The following TBX3 variants were observed in gnomAD, a reference collection of about 807,000 sequenced individuals.
TBX3 encodes the protein T-box transcription factor TBX3.
TBX3 carries 11 observed loss-of-function variants against 47.8 expected under a neutral mutation model. That is an observed-to-expected ratio of 0.23 (90% CI 0.14 to 0.38). The LOEUF (loss-of-function observed/expected upper bound fraction) is 0.38. Ranked by LOEUF, TBX3 falls within the 10% of genes least tolerant of loss-of-function variation. The pLI, the probability that TBX3 is intolerant of heterozygous loss-of-function variation, is 1.00. For synonymous variants in TBX3, 500 were observed against 449.3 expected, an observed-to-expected ratio of 1.11 and a Z score of -1.43; for missense variants, 927 against 1,022.8, an observed-to-expected ratio of 0.91 and a Z score of 1.28.
intron 4 of TBX3, 82 bp downstream of exon 4, chr12:114,677,498 A>C: frequency 3.6e-5 from 42 of 1,158,204 alleles, no homozygotes; most frequent in Non-Finnish European, 4.7e-5. Context: ...AAGTGCCTGC[A>C]TCTCACTTCT....
At chr12:114,672,554 C>A (rs1868498437) in intron 6 of TBX3, among the ~76,000 whole-genome samples, 1 of 151,908 alleles carries the variant, frequency 6.6e-6, no homozygotes, top group Non-Finnish European at 1.5e-5. Context: ...TAACTTGTGC[C>A]TCAGCTTCCT....
At position 114,672,231 on chromosome 12, in the gene TBX3, G is replaced by T. The variant is rs958925981; in HGVS notation, c.1782C>A (p.Ala594=). Residue 594 remains alanine (A), a synonymous_variant, in exon 7 of 7, where the codon GCC becomes GCA. Transcript: ENST00000349155. ...CCGAGCTGGAGGCTGCCGCAGAGGA[G>T]GCGGCCGCCGCTGCGGCCATGTACG... The part of the protein sequence containing the change: ...PYTYMAAAAA[A]SSAAASSSVH... The T allele has an allele frequency of 3.8e-6, 6 of 1,573,988 alleles. No homozygotes were observed. In the African/African-American group the frequency reaches 8.1e-5, roughly 21 times the overall value.
chr12:114,681,376 A>G (rs1328246681), intron 1 of TBX3, among the ~76,000 whole-genome samples: 1 of 152,250 alleles, frequency 6.6e-6, no homozygotes, highest in Non-Finnish European at 1.5e-5. Context: ...GGTTCAAAAC[A>G]AATGCATTGT....
At position 114,672,432 on chromosome 12, in the gene TBX3, TTG is replaced by T. The variant is rs1484015991; in HGVS notation, c.1711-132_1711-131del. On this transcript the variant is annotated intron_variant, in intron 6 of 6. Transcript: ENST00000349155. ...CTGGTATGTTCTGTTGTTGTTGTTG[TTG>T]TGTTTTTTTTTTTGGGGGGGGAGAT... The T allele has an allele frequency of 2.2e-3, 1,113 of 508,592 alleles. 3 individuals are homozygous for T. Among genetic ancestry groups the T allele is most frequent in the Middle Eastern group, 7.0e-3 (12 of 1,720 alleles). 31.5% of individuals were successfully genotyped at this position (508,592 alleles called of 1,614,324 possible). A position where few individuals can be genotyped will look rare whatever the true frequency, so the allele number is the denominator to read the frequency against.
chr12:114,672,222 C>G lies in TBX3; in HGVS notation c.1791G>C (p.Ala597=), dbSNP rs1283299550. The change falls in exon 7 of 7, where the codon GCG becomes GCC. Residue 597 remains alanine (A), a synonymous_variant. Transcript: ENST00000349155. Reference sequence around the variant, plus strand: ...GGCGGTGCACCGAGCTGGAGGCTGCCGCAGAGGAGGCGGCCGCCGCTGCGG... The same window carrying G: ...GGCGGTGCACCGAGCTGGAGGCTGCGGCAGAGGAGGCGGCCGCCGCTGCGG... ...YMAAAAAASS[A]AASSSVHRHP... is the part of the protein sequence containing the mutation. 4 of 1,573,964 alleles carry G rather than the reference C, an allele frequency of 2.5e-6. No homozygotes were observed. The highest frequency in any genetic ancestry group is 3.4e-6 in the Non-Finnish European group (4 of 1,160,694).
At chr12:114,679,902 C>T (rs1269658525) in intron 2 of TBX3, 5 of 1,613,872 alleles carry the variant, frequency 3.1e-6, no homozygotes, top group South Asian at 2.2e-5. Context: ...ATACCTTGAA[C>T]CCTAGCCTAC....
chr12:114,674,300 C>T lies in TBX3; in HGVS notation c.1575G>A (p.Thr525=), dbSNP rs746512485. Residue 525 remains threonine, a synonymous_variant, in exon 6 of 7, where the codon ACG becomes ACA. Coordinates refer to ENST00000349155, the MANE Select transcript of TBX3 (RefSeq NM_005996.4). ...AGACACCGGTGGAGGCCCCAGAAACCGTGGCCAGGAGGGGACCCATGCCAG... is the reference window on the plus strand; with the variant it reads ...AGACACCGGTGGAGGCCCCAGAAACTGTGGCCAGGAGGGGACCCATGCCAG... The part of the protein sequence containing the change: ...AAAGMGPLLA[T]VSGASTGVSG... 3 of 1,579,318 alleles carry T rather than the reference C, an allele frequency of 1.9e-6. No individual in the cohort carries two copies. The highest frequency in any genetic ancestry group is 1.3e-5 in the African/African-American group (1 of 74,286).
intron 3 of TBX3, among the ~76,000 whole-genome samples, chr12:114,678,271 T>A (rs1592849930): frequency 6.6e-6 from 1 of 152,334 alleles, no homozygotes; most frequent in East Asian, 1.9e-4. Flanking sequence ...GCCCATGGCC[T>A]TTTTGTCTGA....
At position 114,683,008 on chromosome 12, in the gene TBX3, T is replaced by C. The variant is rs1869010319; in HGVS notation, c.193A>G (p.Met65Val). The C allele has an allele frequency of 1.2e-6, 2 of 1,613,420 alleles. No individual in the cohort carries two copies. Among genetic ancestry groups the C allele is most frequent in the Non-Finnish European group, 1.7e-6 (2 of 1,179,674 alleles). Residue 65 changes from methionine to valine, a missense_variant, in exon 1 of 7, where the codon ATG (methionine) becomes GTG (valine). Met to Val is a conservative substitution (Grantham distance 21, BLOSUM62 1). This residue lies in a region of TBX3 where 216 missense variants were observed against 281.2 expected (regional missense o/e 0.77). Coordinates refer to ENST00000349155, the MANE Select transcript of TBX3 (RefSeq NM_005996.4). The surrounding 1 kb of genome is among the most constrained non-coding windows in gnomAD (Gnocchi z 7.7). ...TCGGCCGCCCCCACCAATTGATCCATGATCGGCTTGGCCAGGGCGCCCGGC... is the reference window on the plus strand; with the variant it reads ...TCGGCCGCCCCCACCAATTGATCCACGATCGGCTTGGCCAGGGCGCCCGGC... The part of the protein sequence containing the change: ...SLPGALAKPI[M>V]DQLVGAAETG...
chr12:114,674,530 C>T lies in TBX3; in HGVS notation c.1345G>A (p.Glu449Lys). 1 of 1,529,822 alleles carries T rather than the reference C, an allele frequency of 6.5e-7. No homozygotes were observed. Among genetic ancestry groups the T allele is most frequent in the African/African-American group, 1.4e-5 (1 of 72,798 alleles). The allele number at this position is 1,529,822 out of a possible 1,614,324, so 94.8% of individuals were successfully genotyped here. The part of the protein sequence containing the change: ...REGTAPAKVE[E>K]ARALPGKEAF... Reference sequence around the variant, plus strand: ...TCCTTGCCCGGGAGCGCGCGCGCCTCTTCCACCTTGGCCGGCGCTGTGCCC... The same window carrying T: ...TCCTTGCCCGGGAGCGCGCGCGCCTTTTCCACCTTGGCCGGCGCTGTGCCC... The change falls in exon 6 of 7, where the codon GAG (glutamate) becomes AAG (lysine). Residue 449 changes from glutamate (E) to lysine (K), a missense_variant. Physicochemically the swap from Glu to Lys is moderately conservative, Grantham distance 56. Around this residue, in one of 5 missense-constraint regions of TBX3, gnomAD observed 623 missense variants for 569.0 expected, o/e 1.09. Transcript: ENST00000349155.
chr12:114,683,242 C>G lies in TBX3; in HGVS notation c.-42G>C. On this transcript the variant is annotated 5_prime_UTR_variant, in exon 1 of 7. Transcript: ENST00000349155. This position sits in a 1 kb window ranked among gnomAD's most constrained non-coding sequence, Gnocchi z 7.7. ...GCTGGGCTCCAGCCGGGGACAAGTC[C>G]GCAGCTGCTGTGTTTTGTTGTTTTT... The G allele has an allele frequency of 1.2e-6, 2 of 1,602,740 alleles. No homozygotes were observed. Among genetic ancestry groups the G allele is most frequent in the East Asian group, 2.2e-5 (1 of 44,572 alleles).
chr12:114,682,982 C>T lies in TBX3; in HGVS notation c.219G>A (p.Glu73=). 6.2e-7 allele frequency: 1 copy of T among 1,614,112 alleles called. No individual in the cohort carries two copies. The highest frequency in any genetic ancestry group is 8.5e-7 in the Non-Finnish European group (1 of 1,180,026). Residue 73 remains glutamate, a synonymous_variant, in exon 1 of 7, where the codon GAG becomes GAA. Coordinates refer to ENST00000349155, the MANE Select transcript of TBX3 (RefSeq NM_005996.4). ...PIMDQLVGAA[E]TGIPFSSLGP... ...CCAGGGAGGAGAACGGGATGCCGGT[C>T]TCGGCCGCCCCCACCAATTGATCCA...
chr12:114,672,050 C>T lies in TBX3; in HGVS notation c.1963G>A (p.Ala655Thr), dbSNP rs745920930. 3.2e-6 allele frequency: 5 copies of T among 1,576,746 alleles called. No individual in the cohort carries two copies. In the South Asian group the frequency reaches 5.8e-5, roughly 18 times the overall value. Residue 655 changes from alanine (A) to threonine (T), a missense_variant, in exon 7 of 7, where the codon GCC (alanine) becomes ACC (threonine). Ala to Thr is a moderately conservative substitution (Grantham distance 58). Transcript: ENST00000349155. ...AAAGPLDGKVAALAASPASVA... is the reference protein window; with the variant it reads ...AAAGPLDGKVTALAASPASVA... ...GAGGCCGGGCTGGCGGCCAGGGCGG[C>T]GACTTTGCCGTCCAGGGGCCCCGCG...
rs1279590438 is a variant in TBX3, at chr12:114,683,668, C to G, written c.-468G>C. On this transcript the variant is annotated 5_prime_UTR_variant, in exon 1 of 7. Coordinates refer to ENST00000349155, the MANE Select transcript of TBX3 (RefSeq NM_005996.4). The surrounding 1 kb of genome is among the most constrained non-coding windows in gnomAD (Gnocchi z 7.7). ...TTCTCCTAGAAGACTTTTTACCTTT[C>G]TTTTTCTTCTTCCCCCGCCCCCTAT... 1 of 229,806 alleles carries G rather than the reference C, an allele frequency of 4.4e-6. No individual in the cohort carries two copies. Among genetic ancestry groups the G allele is most frequent in the Admixed American group, 5.6e-5 (1 of 17,722 alleles). The allele number at this position is 229,806 out of a possible 1,614,324, so 14.2% of individuals were successfully genotyped here. A position where few individuals can be genotyped will look rare whatever the true frequency, so the allele number is the denominator to read the frequency against.
At position 114,674,092 on chromosome 12, in the gene TBX3, G is replaced by A. The variant is rs1868580870; in HGVS notation, c.1710+73C>T. 5.8e-6 allele frequency: 9 copies of A among 1,538,898 alleles called. No homozygotes were observed. In the South Asian group the frequency reaches 1.1e-4, roughly 18 times the overall value. On this transcript the variant is annotated intron_variant, in intron 6 of 6. Coordinates refer to ENST00000349155, the MANE Select transcript of TBX3 (RefSeq NM_005996.4). ...ACTAGGCCAAAGGGATCGGGTGAGG[G>A]TCTGCTGGCAAAGGACAGGGAAACT...
chr12:114,675,249 AT>A (rs775859792), intron 5 of TBX3, among the ~76,000 whole-genome samples: 52 of 152,230 alleles, frequency 3.4e-4, no homozygotes, highest in Non-Finnish European at 6.5e-4. Flanking sequence ...GCTGGAACAT[AT>A]TCTAATTACT....
At position 114,674,411 on chromosome 12, in the gene TBX3, C is replaced by T. The variant is rs1046047463; in HGVS notation, c.1464G>A (p.Ala488=). The change falls in exon 6 of 7, where the codon GCG becomes GCA. Residue 488 remains alanine (A), a synonymous_variant. Coordinates refer to ENST00000349155, the MANE Select transcript of TBX3 (RefSeq NM_005996.4). ...LPGLGFAPGL[A]GQQFFNGHPL... ...GGTGCCCGTTGAAGAACTGTTGGCC[C>T]GCCAGGCCCGGGGCGAAGCCGAGGC... is the stretch of plus-strand genomic sequence containing the variant. 5.2e-6 allele frequency: 8 copies of T among 1,550,628 alleles called. No homozygotes were observed. The highest frequency in any genetic ancestry group is 2.4e-5 in the East Asian group (1 of 40,926).
rs1010382260 is a variant in TBX3, at chr12:114,683,598, G to A, written c.-398C>T. 1 of 259,574 alleles carries A rather than the reference G, an allele frequency of 3.9e-6. No homozygotes were observed. The highest frequency in any genetic ancestry group is 7.3e-6 in the Non-Finnish European group (1 of 136,288). The allele number at this position is 259,574 out of a possible 1,614,324, so 16.1% of individuals were successfully genotyped here. On this transcript the variant is annotated 5_prime_UTR_variant, in exon 1 of 7. Transcript: ENST00000349155. The surrounding 1 kb of genome is among the most constrained non-coding windows in gnomAD (Gnocchi z 7.7). ...TAGACACTCCAGCCCTGCGTCCCAGGAATCTCTCTCCAGCCCCTAGGTCTT... is the reference window on the plus strand; with the variant it reads ...TAGACACTCCAGCCCTGCGTCCCAGAAATCTCTCTCCAGCCCCTAGGTCTT...
At chr12:114,673,618 G>T (rs1868554332) in intron 6 of TBX3, among the ~76,000 whole-genome samples, 1 of 152,202 alleles carries the variant, frequency 6.6e-6, no homozygotes. Context: ...CCCAGGCCTA[G>T]AGTCCCATTC....
Sources: gnomAD v4.1 joint callset for allele counts (sites outside exome capture counted in the v4.1 genomes callset) on GRCh38, gnomAD v4.1.1 for gene constraint, gnomAD v4.1.1 regional missense constraint, Gnocchi (gnomAD v3.1) non-coding constraint, MANE v1.5 for transcripts, NCBI Gene and HGNC (gene_info 2026-07-23, HGNC 2026-07-21) for gene names.